Variants in CIB1 observed in about 807,000 individuals in gnomAD.
The protein encoded by CIB1 is calcium and integrin-binding protein 1.
CIB1 carries 19 observed loss-of-function variants against 25.0 expected under a neutral mutation model. The observed-to-expected ratio is 0.76, with a 90% confidence interval of 0.53 to 1.12. The LOEUF (loss-of-function observed/expected upper bound fraction) is 1.12, where lower values mean the gene tolerates loss of function less well. CIB1 is among the 50% of genes most tolerant of loss of function. CIB1 has a pLI of 0.00. For synonymous variants in CIB1, 104 were observed against 98.5 expected (o/e 1.06, Z -0.33); for missense variants, 236 against 242.6 (o/e 0.97, Z 0.18).
chr15:90,231,172 G>C lies in CIB1; in HGVS notation c.388C>G (p.Arg130Gly). The change falls in exon 5 of 7, where the codon CGG becomes GGG. Residue 130 changes from arginine to glycine, a missense_variant. By Grantham distance (125) the Arg-to-Gly change is moderately radical (BLOSUM62 -2). Coordinates refer to ENST00000328649, the MANE Select transcript of CIB1 (RefSeq NM_006384.4). ...DGTLNREDLSRLVNCLTGEGE... is the reference protein window; with the variant it reads ...DGTLNREDLSGLVNCLTGEGE... ...TCTCCCGTGAGGCAGTTCACCAGCCGGCTCAGGTCTTCTCTGTTCAAGGTT... is the reference window on the plus strand; with the variant it reads ...TCTCCCGTGAGGCAGTTCACCAGCCCGCTCAGGTCTTCTCTGTTCAAGGTT... The C allele has an allele frequency of 6.2e-7, 1 of 1,614,058 alleles. No homozygotes were observed. The highest frequency in any genetic ancestry group is 1.7e-5 in the Admixed American group (1 of 59,984).
the CIB1 span, chr15:90,242,030 A>C: frequency 1.9e-6 from 3 of 1,612,686 alleles, no homozygotes; most frequent in Non-Finnish European, 8.5e-7. Context: ...ACGTACAGGC[A>C]GCACTGGTGG....
At chr15:90,265,687 A>C in the CIB1 span, 8 of 1,612,410 alleles carry the variant, frequency 5.0e-6, no homozygotes, top group Middle Eastern at 1.9e-4. Flanking sequence ...TTCGTAGCCG[A>C]CTGCTGAAGG....
chr15:90,238,926 C>T (rs978594957), upstream of CIB1, among the ~76,000 whole-genome samples: 2 of 150,674 alleles, frequency 1.3e-5, no homozygotes. Context: ...CTGTCTCTAC[C>T]AAAAACAAAA....
At chr15:90,260,544 A>G in the CIB1 span, among the ~76,000 whole-genome samples, 2 of 151,482 alleles carry the variant, frequency 1.3e-5, no homozygotes, top group African/African-American at 4.9e-5. Flanking sequence ...GCATTATTTC[A>G]TTTTCATTTG....
At chr15:90,241,380 A>G in the CIB1 span, 1 of 1,614,046 alleles carries the variant, frequency 6.2e-7, no homozygotes, top group South Asian at 1.1e-5. Flanking sequence ...GGTGGTGATC[A>G]ACGTCAGCCC....
chr15:90,257,334 C>G, the CIB1 span: 1 of 1,568,682 alleles, frequency 6.4e-7, no homozygotes, highest in Non-Finnish European at 8.6e-7. Flanking sequence ...TGCTGAGGTT[C>G]TCTAGAGAAA....
the CIB1 span, chr15:90,258,141 C>T: frequency 1.9e-6 from 3 of 1,614,118 alleles, no homozygotes; most frequent in Non-Finnish European, 2.5e-6. Flanking sequence ...CATCTCAGCC[C>T]ATTCTGTTCT....
At chr15:90,239,304 AATGT>A in the CIB1 span, among the ~76,000 whole-genome samples, 1 of 102,154 alleles carries the variant, frequency 9.8e-6, no homozygotes, top group Non-Finnish European at 2.0e-5. Context: ...TGAGACATAA[AATGT>A]GTGTGTGTGT....
At chr15:90,241,629 G>C in the CIB1 span, 1 of 1,614,156 alleles carries the variant, frequency 6.2e-7, no homozygotes, top group South Asian at 1.1e-5. Context: ...CCTGGACCCT[G>C]GAGGCCATTT....
the CIB1 span, among the ~76,000 whole-genome samples, chr15:90,248,718 C>CAAAAAAAAAA: frequency 3.6e-4 from 10 of 27,788 alleles, no homozygotes; most frequent in African/African-American, 6.5e-4. Flanking sequence ...GACCCTGTCT[C>CAAAAAAAAAA]AAAAAAAAAA....
chr15:90,247,966 C>T, the CIB1 span, among the ~76,000 whole-genome samples: 1 of 151,972 alleles, frequency 6.6e-6, no homozygotes, highest in South Asian at 2.1e-4. Context: ...TGGTCTTGAT[C>T]TCGTGACCTG....
the CIB1 span, chr15:90,241,707 G>T: frequency 3.1e-6 from 5 of 1,614,118 alleles, no homozygotes; most frequent in Admixed American, 1.7e-5. Context: ...GCCTGACTTG[G>T]AGTCCTTGAT....
chr15:90,241,853 C>A, the CIB1 span: 207 of 1,614,008 alleles, frequency 1.3e-4, 2 homozygotes, highest in South Asian at 2.1e-3. Context: ...TTCTGTGGGC[C>A]CGGAAGTCCA....
chr15:90,251,133 A>C, the CIB1 span, among the ~76,000 whole-genome samples: 1 of 36,678 alleles, frequency 2.7e-5, no homozygotes, highest in African/African-American at 1.3e-4. Context: ...TTTTTTTTTG[A>C]GACAGAGTCT....
the CIB1 span, chr15:90,263,882 G>A: frequency 1.2e-4 from 136 of 1,097,322 alleles, no homozygotes; most frequent in Middle Eastern, 7.8e-4. Context: ...TCAATCCCCA[G>A]GATCTTAGGG....
At chr15:90,242,253 CTTT>C in the CIB1 span, 28,161 of 87,578 alleles carry the variant, frequency 0.32, 4,201 homozygotes, top group East Asian at 0.49. Context: ...ACACACCTGG[CTTT>C]TTTTTTTTTT....
chr15:90,248,181 C>G, the CIB1 span, among the ~76,000 whole-genome samples: 2 of 152,162 alleles, frequency 1.3e-5, no homozygotes, highest in Non-Finnish European at 2.9e-5. Flanking sequence ...GCTGGGACTA[C>G]AGGGCCTGCC....
chr15:90,237,802 C>A (rs1567071605), upstream of CIB1, among the ~76,000 whole-genome samples: 1 of 151,854 alleles, frequency 6.6e-6, no homozygotes, highest in Non-Finnish European at 1.5e-5. Context: ...TAAGATACTA[C>A]ATTAGTCAGG....
chr15:90,242,431 C>CTTT, the CIB1 span: 401 of 65,456 alleles, frequency 6.1e-3, 36 homozygotes, highest in South Asian at 8.7e-3. Flanking sequence ...TTTTCTGTTT[C>CTTT]TTTTTTTTTT....
Sources: allele counts gnomAD v4.1 joint callset (sites outside exome capture counted in the v4.1 genomes callset), GRCh38; gene constraint gnomAD v4.1.1; transcripts MANE v1.5; gene names NCBI Gene and HGNC (gene_info 2026-07-23, HGNC 2026-07-21).